The following GABARAPL1 variants were observed in gnomAD, a reference collection of about 807,000 sequenced individuals.
GABARAPL1 encodes the protein gamma-aminobutyric acid receptor-associated protein-like 1.
GABARAPL1 carries 4 observed loss-of-function variants against 14.5 expected under a neutral mutation model. That is an observed-to-expected ratio of 0.28 (90% CI 0.14 to 0.63). The LOEUF (loss-of-function observed/expected upper bound fraction) is 0.63. Among genes scored for constraint, GABARAPL1 ranks in the 30% least tolerant of loss-of-function variants. The probability of loss-of-function intolerance (pLI) is 0.84; values close to 1 mark genes in which losing one functional copy is unlikely to be tolerated. For missense variants in GABARAPL1, 82 were observed against 139.2 expected, an observed-to-expected ratio of 0.59 and a Z score of 2.07; for synonymous variants, 47 against 50.6, an observed-to-expected ratio of 0.93 and a Z score of 0.30.
At chr12:10,215,819 C>T (rs1949084752) in intron 1 of GABARAPL1, among the ~76,000 whole-genome samples, 1 of 151,786 alleles carries the variant, frequency 6.6e-6, no homozygotes. Context: ...TGATCATGTC[C>T]CTCTGGTCTT....
intron 3 of GABARAPL1, chr12:10,220,987 G>A (rs1949117943): frequency 1.0e-6 from 1 of 985,304 alleles, no homozygotes; most frequent in South Asian, 4.7e-5. Context: ...GCACGTAATA[G>A]TAAAGCCAGC....
chr12:10,219,330 A>C (rs1949107245), intron 2 of GABARAPL1, among the ~76,000 whole-genome samples: 1 of 105,594 alleles, frequency 9.5e-6, no homozygotes, highest in Admixed American at 1.3e-4. Context: ...AAAAAACAAA[A>C]AACAAAAAAA....
intron 2 of GABARAPL1, among the ~76,000 whole-genome samples, chr12:10,219,466 T>G (rs1049134054): frequency 5.9e-5 from 9 of 152,184 alleles, no homozygotes; most frequent in Non-Finnish European, 1.3e-4. Context: ...TAAGCTACAT[T>G]TTTTTAAACT....
chr12:10,217,229 A>G (rs1398756895), intron 1 of GABARAPL1, among the ~76,000 whole-genome samples: 1 of 152,186 alleles, frequency 6.6e-6, no homozygotes, highest in Non-Finnish European at 1.5e-5. Context: ...TGCTGACATC[A>G]TATTATAGGA....
intron 1 of GABARAPL1, chr12:10,213,674 G>GT (rs1302569538): frequency 5.8e-6 from 2 of 347,706 alleles, no homozygotes; most frequent in Non-Finnish European, 5.7e-6. Context: ...CTTTAATGAA[G>GT]TTGACTTTGG....
At position 10,220,477 on chromosome 12, in the gene GABARAPL1, C is replaced by T. The variant is rs1949114335; in HGVS notation, c.207C>T (p.His69=). The change falls in exon 3 of 4, where the codon CAC becomes CAT. Residue 69 remains histidine, a synonymous_variant. Transcript: ENST00000266458. ...QFYFLIRKRI[H]LRPEDALFFF... ...ACTTCTTAATCCGGAAGAGAATCCACCTGAGACCTGAGGACGCCTTATTCT... is the reference window on the plus strand; with the variant it reads ...ACTTCTTAATCCGGAAGAGAATCCATCTGAGACCTGAGGACGCCTTATTCT... The T allele has an allele frequency of 8.7e-6, 14 of 1,613,208 alleles. No individual in the cohort carries two copies. The highest frequency in any genetic ancestry group is 3.3e-5 in the Admixed American group (2 of 59,996).
chr12:10,221,337 C>A (rs1949119461), intron 3 of GABARAPL1: 3 of 979,784 alleles, frequency 3.1e-6, no homozygotes, highest in Non-Finnish European at 1.2e-6. Flanking sequence ...GAAAATATAA[C>A]CTGGGATTAT....
chr12:10,216,181 G>A (rs554902866), intron 1 of GABARAPL1, among the ~76,000 whole-genome samples: 8 of 151,912 alleles, frequency 5.3e-5, no homozygotes, highest in East Asian at 1.9e-4. Context: ...AACCAGCCTG[G>A]CATCATGGTG....
rs770747565 is a variant in GABARAPL1 at position 10,221,851 on chromosome 12, G to A, written c.353G>A (p.Ter118=). The A allele has an allele frequency of 6.2e-7, 1 of 1,613,834 alleles. No individual in the cohort carries two copies. The highest frequency in any genetic ancestry group is 8.5e-7 in the Non-Finnish European group (1 of 1,179,900). ...AGTGATGAGAGTGTCTATGGGAAAT[G>A]AGTGGTTGGAAGCCCAGCAGATGGG... is the stretch of plus-strand genomic sequence containing the variant. ...AYSDESVYGK[*] is the part of the protein sequence containing the mutation. Residue 118 remains the stop codon, a stop_retained_variant, in exon 4 of 4, where the codon TGA becomes TAA. Transcript: ENST00000266458.
intron 1 of GABARAPL1, among the ~76,000 whole-genome samples, chr12:10,217,794 A>G (rs1199010756): frequency 6.6e-6 from 1 of 152,238 alleles, no homozygotes; most frequent in Non-Finnish European, 1.5e-5. Context: ...CTTACAGGTA[A>G]CCTGTAATTA....
Position 10,218,004 on chromosome 12 carries a change from G to A in GABARAPL1, c.91-59G>A, listed in dbSNP as rs1037195136. 15 of 1,040,616 alleles carry A rather than the reference G, an allele frequency of 1.4e-5. No homozygotes were observed. The Admixed American group carries it at 2.1e-4, about 14-fold the overall frequency. 64.5% of individuals were successfully genotyped at this position (1,040,616 alleles called of 1,614,324 possible). A position where few individuals can be genotyped will look rare whatever the true frequency, so the allele number is the denominator to read the frequency against. Reference sequence around the variant, plus strand: ...AACTAGGCAACTCTAGGGTGTAGAAGGAAAAATACTAGATTGCCTTCTGTA... The same window carrying A: ...AACTAGGCAACTCTAGGGTGTAGAAAGAAAAATACTAGATTGCCTTCTGTA... On this transcript the variant is annotated intron_variant, in intron 1 of 3. Transcript: ENST00000266458.
chr12:10,220,717 T>G, intron 3 of GABARAPL1, 159 bp downstream of exon 3: 1 of 1,533,216 alleles, frequency 6.5e-7, no homozygotes, highest in Non-Finnish European at 8.8e-7. Context: ...TCTGAGAGAT[T>G]AGATACCTCT....
At chr12:10,213,503 A>G (rs1191097884) in intron 1 of GABARAPL1, 9 of 403,360 alleles carry the variant, frequency 2.2e-5, no homozygotes, top group Non-Finnish European at 3.7e-5. Context: ...CGGTCTCAGC[A>G]GCTGAGACCG....
chr12:10,215,761 C>T lies in GABARAPL1; in HGVS notation c.91-2302C>T, dbSNP rs148416660. Among the ~76,000 whole-genome samples the T allele has an allele frequency of 7.0e-4, 107 of 152,232 alleles. 2 individuals are homozygous for T. In the East Asian group the frequency reaches 0.018, roughly 26 times the overall value. The stretch of plus-strand genomic sequence containing the variant: ...CTCTTTCTGCCTTTTCCTTTTAATT[C>T]CTGGCTTACGTTACCCTATTTCAGT... On this transcript the variant is annotated intron_variant, in intron 1 of 3. Transcript: ENST00000266458.
At position 10,222,002 on chromosome 12, in the gene GABARAPL1, C is replaced by T; in HGVS notation, c.*150C>T. ...CATTACACCACACACACCGTCATCA[C>T]ATTTTCACATGCTCAATTGATATTT... On this transcript the variant is annotated 3_prime_UTR_variant, in exon 4 of 4. Coordinates refer to ENST00000266458, the MANE Select transcript of GABARAPL1 (RefSeq NM_031412.4). 7.5e-6 allele frequency: 5 copies of T among 664,548 alleles called. No individual in the cohort carries two copies. Among genetic ancestry groups the T allele is most frequent in the East Asian group, 2.7e-5 (1 of 36,786 alleles). The allele number at this position is 664,548 out of a possible 1,614,324, so 41.2% of individuals were successfully genotyped here.
chr12:10,221,319 T>A (rs1035833041), intron 3 of GABARAPL1: 6 of 976,876 alleles, frequency 6.1e-6, no homozygotes, highest in Non-Finnish European at 7.3e-6. Context: ...AAGGACTTTA[T>A]TATTACTGAA....
chr12:10,221,335 A>T (rs1949119450), intron 3 of GABARAPL1: 1 of 980,488 alleles, frequency 1.0e-6, no homozygotes, highest in Non-Finnish European at 1.2e-6. Context: ...CTGAAAATAT[A>T]ACCTGGGATT....
intron 1 of GABARAPL1, chr12:10,213,567 C>G (rs1949070632): frequency 3.0e-6 from 1 of 336,146 alleles, no homozygotes; most frequent in Non-Finnish European, 5.9e-6. Flanking sequence ...CTGGTTAGAT[C>G]GGGGCCATGG....
chr12:10,219,333 CAAA>C (rs374863932), intron 2 of GABARAPL1, among the ~76,000 whole-genome samples: 1 of 139,314 alleles, frequency 7.2e-6, no homozygotes, highest in African/African-American at 2.7e-5. Context: ...AAACAAAAAA[CAAA>C]AAAAAAAAAC....
Sources: allele counts gnomAD v4.1 joint callset (sites outside exome capture counted in the v4.1 genomes callset), GRCh38; gene constraint gnomAD v4.1.1; transcripts MANE v1.5; gene names NCBI Gene and HGNC (gene_info 2026-07-23, HGNC 2026-07-21).